ASH1L: variants seen among roughly 807,000 people sequenced by gnomAD.
ASH1L encodes the protein ASH1 like histone lysine methyltransferase.
Under a neutral mutation model 269.0 loss-of-function variants are expected in ASH1L, and 23 were observed. The ratio of observed to expected loss-of-function variants is 0.09; its 90% CI spans 0.06 to 0.12. The LOEUF (loss-of-function observed/expected upper bound fraction) is 0.12, where lower values mean the gene tolerates loss of function less well. Among genes scored for constraint, ASH1L ranks in the 10% least tolerant of loss-of-function variants. ASH1L has a pLI of 1.00. For synonymous variants in ASH1L, 1,187 were observed against 1,253.5 expected, an observed-to-expected ratio of 0.95 and a Z score of 1.12; for missense variants, 2,912 against 3,567.8, an observed-to-expected ratio of 0.82 and a Z score of 4.68.
Position 155,337,607 on chromosome 1 carries a change from G to C in ASH1L, c.*53C>G. ...TCTATACCCAGAGAGCAGGAGGCAG[G>C]ACTGATTAGCTCCACTGGATCCCAG... is the stretch of plus-strand genomic sequence containing the variant. On this transcript the variant is annotated 3_prime_UTR_variant, in exon 28 of 28. Transcript: ENST00000392403. 1 of 1,483,126 alleles carries C rather than the reference G, an allele frequency of 6.7e-7. No individual in the cohort carries two copies. Among genetic ancestry groups the C allele is most frequent in the Non-Finnish European group, 9.4e-7 (1 of 1,061,716 alleles). 91.9% of individuals were successfully genotyped at this position (1,483,126 alleles called of 1,614,324 possible).
At chr1:155,533,300 C>CCTAAA (rs1669814438) in intron 1 of ASH1L, among the ~76,000 whole-genome samples, 1 of 150,596 alleles carries the variant, frequency 6.6e-6, no homozygotes, top group South Asian at 2.1e-4. Context: ...TCACAATCAG[C>CCTAAA]ATGCGGTAGT....
intron 4 of ASH1L, 53 bp from the exon 5 acceptor site, chr1:155,439,121 T>C: frequency 1.3e-6 from 2 of 1,523,036 alleles, no homozygotes; most frequent in Non-Finnish European, 8.8e-7. Context: ...GCTAGTTATT[T>C]AAATAAGTTT....
At chr1:155,460,372 G>A (rs1044955756) in intron 3 of ASH1L, among the ~76,000 whole-genome samples, 2 of 152,192 alleles carry the variant, frequency 1.3e-5, no homozygotes, top group Non-Finnish European at 2.9e-5. Context: ...TACTTTGGGA[G>A]GCCGAGGCGG....
intron 2 of ASH1L, among the ~76,000 whole-genome samples, chr1:155,505,268 A>C (rs1667739048): frequency 6.6e-6 from 1 of 152,144 alleles, no homozygotes. Flanking sequence ...TTTCCAGCAA[A>C]TTCTGACAAA....
chr1:155,361,654 C>T (rs927516899), intron 12 of ASH1L, among the ~76,000 whole-genome samples: 1 of 150,106 alleles, frequency 6.7e-6, no homozygotes, highest in African/African-American at 2.5e-5. Context: ...AGCCAAGATC[C>T]TGCCACTGCA....
intron 1 of ASH1L, among the ~76,000 whole-genome samples, chr1:155,556,516 C>G (rs963532627): frequency 2.6e-5 from 4 of 151,986 alleles, no homozygotes; most frequent in African/African-American, 7.3e-5. Flanking sequence ...GTGATCTCAG[C>G]TCACTGCAAC....
intron 15 of ASH1L, among the ~76,000 whole-genome samples, chr1:155,355,377 A>C (rs909293620): frequency 7.2e-5 from 11 of 152,226 alleles, no homozygotes; most frequent in African/African-American, 2.7e-4. Flanking sequence ...AACTTAAATG[A>C]ATTATGTGTA....
chr1:155,455,762 A>G (rs973828892), intron 4 of ASH1L, among the ~76,000 whole-genome samples: 4 of 152,212 alleles, frequency 2.6e-5, no homozygotes, highest in Admixed American at 1.3e-4. Context: ...GGAACATTAC[A>G]AACCTATGAC....
Position 155,481,968 on chromosome 1 carries a change from T to C in ASH1L, c.902A>G (p.Asn301Ser), listed in dbSNP as rs1570944674. 4.3e-6 allele frequency: 7 copies of C among 1,614,170 alleles called. No homozygotes were observed. Among genetic ancestry groups the C allele is most frequent in the Middle Eastern group, 3.3e-4 (2 of 6,062 alleles). ...TCCCAGTTTTTTCACAGAGTCCTTATTGACCAATCCTACTGCTGCATTAAA... is the reference window on the plus strand; with the variant it reads ...TCCCAGTTTTTTCACAGAGTCCTTACTGACCAATCCTACTGCTGCATTAAA... ...PVFNAAVGLV[N>S]KDSVKKLGTG... The change falls in exon 3 of 28, where the codon AAT becomes AGT. Residue 301 changes from asparagine (N) to serine (S), a missense_variant. Physicochemically the swap from Asn to Ser is conservative, Grantham distance 46 (BLOSUM62 1). Transcript: ENST00000392403.
Position 155,420,318 on chromosome 1 carries a change from C to CA in ASH1L, c.5829-4396dup, listed in dbSNP as rs201923201. ...TGGGCAACAGAATGAGACTCCATCT[C>CA]AAAAAAAAACACTCCAGCCTGGGCA... On this transcript the variant is annotated intron_variant, in intron 5 of 27. Coordinates refer to ENST00000392403, the MANE Select transcript of ASH1L (RefSeq NM_018489.3). Among the ~76,000 whole-genome samples the CA allele has an allele frequency of 6.0e-3, 314 of 52,388 alleles. 4 individuals are homozygous for CA. In the East Asian group the frequency reaches 0.097, roughly 16 times the overall value. 34.4% of individuals were successfully genotyped at this position (52,388 alleles called of 152,430 possible).
intron 12 of ASH1L, among the ~76,000 whole-genome samples, chr1:155,361,203 G>A (rs1343941373): frequency 6.6e-6 from 1 of 151,974 alleles, no homozygotes; most frequent in African/African-American, 2.4e-5. Context: ...CCAACATAGT[G>A]AAACCCCGTC....
At chr1:155,410,823 C>T (rs895553418) in intron 6 of ASH1L, among the ~76,000 whole-genome samples, 2 of 150,696 alleles carry the variant, frequency 1.3e-5, no homozygotes, top group Non-Finnish European at 3.0e-5. Context: ...CCAGGTTGGT[C>T]TTGAACTCCT....
At chr1:155,446,608 TTTC>T (rs1663050651) in intron 4 of ASH1L, among the ~76,000 whole-genome samples, 1 of 150,102 alleles carries the variant, frequency 6.7e-6, no homozygotes, top group Admixed American at 6.6e-5. Flanking sequence ...TACATTTCAG[TTTC>T]TTTTTTTTTT....
intron 13 of ASH1L, among the ~76,000 whole-genome samples, chr1:155,357,991 G>A (rs1270752043): frequency 6.6e-6 from 1 of 152,042 alleles, no homozygotes; most frequent in South Asian, 2.1e-4. Context: ...GGCTGGTCTC[G>A]AACTCCAGGG....
chr1:155,459,947 A>G, intron 3 of ASH1L, 49 bp from the exon 4 acceptor site: 4 of 1,397,098 alleles, frequency 2.9e-6, no homozygotes, highest in Non-Finnish European at 3.9e-6. Context: ...CAACTTTAAA[A>G]ATAATGTGAA....
chr1:155,364,455 T>C (rs1210949348), intron 12 of ASH1L, among the ~76,000 whole-genome samples: 1 of 152,182 alleles, frequency 6.6e-6, no homozygotes, highest in Non-Finnish European at 1.5e-5. Context: ...TCTAAGAGCA[T>C]TTATGCTGCT....
Position 155,347,882 on chromosome 1 carries a change from G to A in ASH1L, c.7577C>T (p.Pro2526Leu). The change falls in exon 20 of 28, where the codon CCA (proline) becomes CTA (leucine). Residue 2526 changes from proline (P) to leucine (L), a missense_variant. Pro to Leu is a moderately conservative substitution (Grantham distance 98). Around this residue, in one of 13 missense-constraint regions of ASH1L, gnomAD observed 309 missense variants for 435.1 expected, o/e 0.71. Transcript: ENST00000392403. The stretch of plus-strand genomic sequence containing the variant: ...TAGACGACAAACATCTCTCCCAACT[G>A]GGGATTTACGCCCATAGTACTTCTG... ...NAEKYYGRKS[P>L]VGRDVCRLRK... is the part of the protein sequence containing the mutation. 1 of 1,614,142 alleles carries A rather than the reference G, an allele frequency of 6.2e-7. No individual in the cohort carries two copies. The highest frequency in any genetic ancestry group is 8.5e-7 in the Non-Finnish European group (1 of 1,180,030).
intron 5 of ASH1L, among the ~76,000 whole-genome samples, chr1:155,429,972 A>ATT (rs746121792): frequency 6.6e-6 from 1 of 150,618 alleles, no homozygotes; most frequent in Non-Finnish European, 1.5e-5. Context: ...CGTCCAGCTG[A>ATT]TTTTTAAGTT....
chr1:155,539,069 TC>T (rs1410961749), intron 1 of ASH1L, among the ~76,000 whole-genome samples: 1 of 152,172 alleles, frequency 6.6e-6, no homozygotes, highest in East Asian at 1.9e-4. Context: ...CCTACCAGAC[TC>T]CCAGATGTTG....
Sources: allele counts gnomAD v4.1 joint callset (sites outside exome capture counted in the v4.1 genomes callset), GRCh38; gene constraint gnomAD v4.1.1; regional missense constraint gnomAD v4.1.1; transcripts MANE v1.5; gene names NCBI Gene and HGNC (gene_info 2026-07-23, HGNC 2026-07-21).